Variants in IGF2R observed in about 807,000 individuals in gnomAD.
The protein encoded by IGF2R is cation-independent mannose-6-phosphate receptor.
In IGF2R, 91 loss-of-function variants were observed where a neutral mutation model predicts 270.6. That is an observed-to-expected ratio of 0.34 (90% CI 0.28 to 0.40). IGF2R has a LOEUF of 0.40. IGF2R is among the 10% of genes least tolerant of loss of function. IGF2R has a pLI of 1.00. For missense variants in IGF2R, 2,805 were observed against 3,188.3 expected, an observed-to-expected ratio of 0.88 and a Z score of 2.90; for synonymous variants, 1,316 against 1,258.9, an observed-to-expected ratio of 1.05 and a Z score of -0.96.
At chr6:160,104,431 C>T (rs1457160197) in intron 47 of IGF2R, among the ~76,000 whole-genome samples, 2 of 151,896 alleles carry the variant, frequency 1.3e-5, no homozygotes, top group Middle Eastern at 3.2e-3. Context: ...AGACTCCTGC[C>T]AAATGACCCC....
chr6:159,987,432 C>T lies in IGF2R; in HGVS notation c.150-3752C>T, dbSNP rs558585945. On this transcript the variant is annotated intron_variant, in intron 1 of 47. Coordinates refer to ENST00000356956, the MANE Select transcript of IGF2R (RefSeq NM_000876.4). ...TTTGAGACAGAGTCTCGCTGTGTTGCCCAGGCTGGAGTGCAGTGGCACAAT... is the reference window on the plus strand; with the variant it reads ...TTTGAGACAGAGTCTCGCTGTGTTGTCCAGGCTGGAGTGCAGTGGCACAAT... 1.1e-3 allele frequency among the ~76,000 whole-genome samples: 166 copies of T among 152,296 alleles called. 2 individuals are homozygous for T. Among genetic ancestry groups the T allele is most frequent in the African/African-American group, 3.8e-3 (159 of 41,558 alleles).
chr6:160,028,269 C>T (rs1362847682), intron 6 of IGF2R, among the ~76,000 whole-genome samples: 2 of 152,110 alleles, frequency 1.3e-5, no homozygotes, highest in East Asian at 3.9e-4. Flanking sequence ...GGTCTGTGTC[C>T]GAATCTCCTC....
chr6:159,970,341 C>T (rs2115162273), intron 1 of IGF2R, among the ~76,000 whole-genome samples: 1 of 152,220 alleles, frequency 6.6e-6, no homozygotes, highest in South Asian at 2.1e-4. Flanking sequence ...AACAGTTTCT[C>T]CCTGTTACTG....
chr6:159,972,604 A>G (rs1783626974), intron 1 of IGF2R, among the ~76,000 whole-genome samples: 1 of 152,194 alleles, frequency 6.6e-6, no homozygotes, highest in Admixed American at 6.5e-5. Flanking sequence ...TAGACCCACA[A>G]GAGGGACATG....
rs1267234592 is a variant in IGF2R, at chr6:159,991,176, C to A, written c.150-8C>A. On this transcript the variant is annotated splice_polypyrimidine_tract_variant and splice_region_variant and intron_variant, in intron 1 of 47. Coordinates refer to ENST00000356956, the MANE Select transcript of IGF2R (RefSeq NM_000876.4). The stretch of plus-strand genomic sequence containing the variant: ...TGACATTGACAAGTTGTTTTTCTTC[C>A]TTTCCAGTTATACATGGGAAGCTGT... The A allele has an allele frequency of 3.1e-6, 5 of 1,598,148 alleles. No individual in the cohort carries two copies. Among genetic ancestry groups the A allele is most frequent in the Non-Finnish European group, 4.3e-6 (5 of 1,171,842 alleles).
chr6:160,029,428 A>T, intron 6 of IGF2R, 122 bp from the exon 7 acceptor site: 1 of 588,556 alleles, frequency 1.7e-6, no homozygotes, highest in Non-Finnish European at 3.1e-6. Flanking sequence ...TTTATATTTT[A>T]ATATTTCTTC....
chr6:160,041,601 A>G (rs952277282), intron 11 of IGF2R, among the ~76,000 whole-genome samples: 13 of 151,864 alleles, frequency 8.6e-5, no homozygotes, highest in Admixed American at 4.6e-4. Flanking sequence ...GTTTTTTTTT[A>G]AAGAAAAATA....
In IGF2R at chr6:160,053,612, G is replaced by C. The variant is rs543506356; in HGVS notation, c.2695-2812G>C. 1.9e-4 allele frequency among the ~76,000 whole-genome samples: 29 copies of C among 151,746 alleles called. No homozygotes were observed. In the South Asian group the frequency reaches 6.0e-3, roughly 32 times the overall value. The stretch of plus-strand genomic sequence containing the variant: ...CCAATTGCTTCTGTTTTTTAATTGG[G>C]GTAAAATATATATAACATTAAACTG... On this transcript the variant is annotated intron_variant, in intron 19 of 47. Coordinates refer to ENST00000356956, the MANE Select transcript of IGF2R (RefSeq NM_000876.4).
In IGF2R at chr6:160,072,799, G is replaced by C. The variant is rs1778771985; in HGVS notation, c.4605G>C (p.Arg1535Ser). 6.2e-7 allele frequency: 1 copy of C among 1,614,076 alleles called. No homozygotes were observed. The highest frequency in any genetic ancestry group is 1.3e-5 in the African/African-American group (1 of 74,928). Residue 1535 changes from arginine (R) to serine (S), a missense_variant, in exon 33 of 48, where the codon AGG (arginine) becomes AGC (serine). Physicochemically the swap from Arg to Ser is moderately radical, Grantham distance 110. This residue lies in a region of IGF2R where 1,851 missense variants were observed against 2,207.2 expected (regional missense o/e 0.84). Transcript: ENST00000356956. ...HLFDLSSLSG[R>S]AGFTAAYSEK... ...TTGATCTGAGCTCCTTAAGTGGCAG[G>C]GCGGGATTCACAGCTGCTTACAGCG... is the stretch of plus-strand genomic sequence containing the variant.
At chr6:160,090,220 G>T in intron 44 of IGF2R, 117 bp downstream of exon 44, 1 of 626,118 alleles carries the variant, frequency 1.6e-6, no homozygotes, top group East Asian at 3.4e-5. Context: ...CAAAAACCTT[G>T]GTCTAATTCT....
intron 26 of IGF2R, 72 bp downstream of exon 26, chr6:160,062,691 A>G (rs1778467632): frequency 9.4e-7 from 1 of 1,062,004 alleles, no homozygotes; most frequent in Middle Eastern, 2.0e-4. Flanking sequence ...GATGCCTTAG[A>G]TATGAGACCG....
chr6:160,023,793 A>G (rs2115222903), intron 4 of IGF2R, among the ~76,000 whole-genome samples: 1 of 152,340 alleles, frequency 6.6e-6, no homozygotes, highest in East Asian at 1.9e-4. Flanking sequence ...TTTGGCAGAC[A>G]TTTATAACCA....
At chr6:160,071,258 G>GA (rs1778727523) in intron 31 of IGF2R, among the ~76,000 whole-genome samples, 2 of 103,504 alleles carry the variant, frequency 1.9e-5, no homozygotes, top group African/African-American at 3.8e-5. Flanking sequence ...CCTGTGCCCA[G>GA]GGCCCAGGAG....
At chr6:160,015,298 A>G (rs1777261925) in intron 4 of IGF2R, among the ~76,000 whole-genome samples, 1 of 152,266 alleles carries the variant, frequency 6.6e-6, no homozygotes, top group South Asian at 2.1e-4. Context: ...AAGTTTTAGA[A>G]TATTCTTTGG....
At chr6:160,101,218 T>C (rs1215877859) in intron 45 of IGF2R, among the ~76,000 whole-genome samples, 1 of 152,236 alleles carries the variant, frequency 6.6e-6, no homozygotes, top group East Asian at 1.9e-4. Context: ...GAATAATCTA[T>C]GGTCCAAAGA....
At chr6:159,980,221 A>C (rs1374276209) in intron 1 of IGF2R, among the ~76,000 whole-genome samples, 1 of 138,202 alleles carries the variant, frequency 7.2e-6, no homozygotes, top group African/African-American at 2.8e-5. Flanking sequence ...GAAAGAAAGA[A>C]AGAAAGAAAG....
At chr6:160,064,371 A>G (rs775949529) in intron 27 of IGF2R, 30 bp from the exon 28 acceptor site, 1 of 1,614,158 alleles carries the variant, frequency 6.2e-7, no homozygotes, top group Non-Finnish European at 8.5e-7. Flanking sequence ...ACCCGAACCA[A>G]ACCTTGTTTA....
At chr6:160,045,452 A>C (rs1778047204) in intron 13 of IGF2R, among the ~76,000 whole-genome samples, 1 of 152,156 alleles carries the variant, frequency 6.6e-6, no homozygotes, top group African/African-American at 2.4e-5. Flanking sequence ...GTGTAATACC[A>C]CCACCATCCA....
intron 42 of IGF2R, among the ~76,000 whole-genome samples, chr6:160,088,556 C>T (rs1366542598): frequency 2.6e-5 from 4 of 152,160 alleles, no homozygotes; most frequent in East Asian, 3.8e-4. Flanking sequence ...CAAGTTTTCC[C>T]GGCCACATTG....
Sources: allele counts gnomAD v4.1 joint callset (sites outside exome capture counted in the v4.1 genomes callset), GRCh38; gene constraint gnomAD v4.1.1; regional missense constraint gnomAD v4.1.1; transcripts MANE v1.5; gene names NCBI Gene and HGNC (gene_info 2026-07-23, HGNC 2026-07-21).